Variants in GRM7 observed in about 807,000 individuals in gnomAD.
The protein encoded by GRM7 is glutamate metabotropic receptor 7, also known as metabotropic glutamate receptor 7.
In GRM7, 35 loss-of-function variants were observed where a neutral mutation model predicts 84.5. That is an observed-to-expected ratio of 0.41 (90% CI 0.32 to 0.55). GRM7 has a LOEUF of 0.55. Among genes scored for constraint, GRM7 ranks in the 20% least tolerant of loss-of-function variants. GRM7 has a pLI of 0.19. For missense variants in GRM7, 1,003 were observed against 1,194.6 expected (o/e 0.84, Z 2.36); for synonymous variants, 487 against 455.1 (o/e 1.07, Z -0.89).
chr3:7,085,628 C>T (rs188020277), intron 1 of GRM7, among the ~76,000 whole-genome samples: 1 of 152,168 alleles, frequency 6.6e-6, no homozygotes, highest in East Asian at 1.9e-4. Flanking sequence ...AAGATCTGTT[C>T]AGTTCAATTA....
At chr3:7,101,309 A>C (rs2125021919) in intron 1 of GRM7, among the ~76,000 whole-genome samples, 1 of 151,720 alleles carries the variant, frequency 6.6e-6, no homozygotes, top group South Asian at 2.1e-4. Flanking sequence ...CAATGGGTGG[A>C]TATTTATATC....
At chr3:6,967,920 A>T (rs1362275398) in intron 1 of GRM7, among the ~76,000 whole-genome samples, 1 of 152,200 alleles carries the variant, frequency 6.6e-6, no homozygotes, top group Non-Finnish European at 1.5e-5. Flanking sequence ...AGATCTGGGC[A>T]TTGGTATTTG....
chr3:7,201,689 A>G (rs1342581431), intron 2 of GRM7, among the ~76,000 whole-genome samples: 1 of 152,220 alleles, frequency 6.6e-6, no homozygotes, highest in Non-Finnish European at 1.5e-5. Context: ...CAACACATAG[A>G]TGAGGAAATT....
intron 1 of GRM7, among the ~76,000 whole-genome samples, chr3:6,961,637 C>A (rs370412486): frequency 2.3e-4 from 35 of 152,180 alleles, no homozygotes; most frequent in African/African-American, 7.2e-4. Flanking sequence ...CTACTTATTT[C>A]ATTTAAAAAT....
At chr3:7,030,700 G>A (rs1211156407) in intron 1 of GRM7, among the ~76,000 whole-genome samples, 1 of 152,212 alleles carries the variant, frequency 6.6e-6, no homozygotes, top group African/African-American at 2.4e-5. Flanking sequence ...TGGTGTCCAT[G>A]TATCTTAATG....
intron 1 of GRM7, among the ~76,000 whole-genome samples, chr3:6,998,138 A>AAAAAAAAAAAAAAAAAAAAC: frequency 6.7e-6 from 1 of 148,448 alleles, no homozygotes; most frequent in Admixed American, 6.7e-5. Flanking sequence ...AAAAAAAAAA[A>AAAAAAAAAAAAAAAAAAAAC]AGCAGGTTAG....
rs114294775 is a variant in GRM7, at chr3:7,022,190, G to C, written c.520-124262G>C. Among the ~76,000 whole-genome samples, 534 of 151,960 alleles carry C rather than the reference G, an allele frequency of 3.5e-3. 3 individuals are homozygous for C. Among genetic ancestry groups the C allele is most frequent in the African/African-American group, 0.012 (499 of 41,444 alleles). ...AAAAATACAAAAATTAGCTGGATAT[G>C]GTGGTGCGCATGTGTAGTCCCAGCT... On this transcript the variant is annotated intron_variant, in intron 1 of 9. Transcript: ENST00000357716.
chr3:7,420,612 A>C (rs560948148), intron 5 of GRM7, among the ~76,000 whole-genome samples: 27 of 152,230 alleles, frequency 1.8e-4, no homozygotes, highest in African/African-American at 6.5e-4. Flanking sequence ...ACTCATCTCT[A>C]AATATCGGAG....
chr3:7,195,423 A>G (rs1695846071), intron 2 of GRM7, among the ~76,000 whole-genome samples: 1 of 152,254 alleles, frequency 6.6e-6, no homozygotes, highest in Middle Eastern at 3.4e-3. Context: ...CAGAAAAGGG[A>G]AAGGAAAAGA....
At chr3:7,006,724 T>C (rs1575122128) in intron 1 of GRM7, among the ~76,000 whole-genome samples, 1 of 152,174 alleles carries the variant, frequency 6.6e-6, no homozygotes, top group Non-Finnish European at 1.5e-5. Context: ...AAAAATAAAA[T>C]ATCATCACAT....
rs1180167694 is a variant in GRM7 at position 7,615,618 on chromosome 3, G to T, written c.2451+36261G>T. 2.6e-5 allele frequency among the ~76,000 whole-genome samples: 4 copies of T among 152,018 alleles called. No individual in the cohort carries two copies. The East Asian group carries it at 7.7e-4, about 29-fold the overall frequency. ...GTAAGGCTGGTTTTTATGAGGGTGG[G>T]TATATTTCTATGTAGTCTTCCTAGG... On this transcript the variant is annotated intron_variant, in intron 8 of 9. Coordinates refer to ENST00000357716, the MANE Select transcript of GRM7 (RefSeq NM_000844.4).
chr3:7,620,243 A>C (rs1202901522), intron 8 of GRM7, among the ~76,000 whole-genome samples: 2 of 152,150 alleles, frequency 1.3e-5, no homozygotes, highest in Non-Finnish European at 1.5e-5. Context: ...TTTAGTGTAA[A>C]ATATGCACTA....
chr3:7,591,713 T>C (rs1695787481), intron 8 of GRM7, among the ~76,000 whole-genome samples: 1 of 152,144 alleles, frequency 6.6e-6, no homozygotes, highest in African/African-American at 2.4e-5. Flanking sequence ...TTGTTGAACA[T>C]TCTCTGTGTA....
At chr3:7,557,802 C>G (rs1693843809) in intron 7 of GRM7, among the ~76,000 whole-genome samples, 1 of 152,116 alleles carries the variant, frequency 6.6e-6, no homozygotes. Flanking sequence ...TAAATCCCCT[C>G]CTTGTTCTCT....
Position 7,276,785 on chromosome 3 carries a change from T to TCCTCCCTCCCTCCCTCCCTCCCTCCTC in GRM7, c.737-21896_737-21895insCCCTCCCTCCCTCCCTCCCTCCTCCCT, listed in dbSNP as rs1385259133. On this transcript the variant is annotated intron_variant, in intron 2 of 9. Transcript: ENST00000357716. ...TTTCTCCCTTCCTTCCTTCCTTCCT[T>TCCTCCCTCCCTCCCTCCCTCCCTCCTC]CCTTCCTTCCTTCCTTCCTTTTTGG... Among the ~76,000 whole-genome samples, 6 of 62,756 alleles carry TCCTCCCTCCCTCCCTCCCTCCCTCCTC rather than the reference T, an allele frequency of 9.6e-5. 2 individuals carry two copies. The highest frequency in any genetic ancestry group is 1.4e-4 in the Non-Finnish European group (5 of 36,804). 41.2% of individuals were successfully genotyped at this position (62,756 alleles called of 152,430 possible).
Position 7,740,398 on chromosome 3 carries a change from GT to G in GRM7, c.2742del (p.Ile915SerfsTer46). On this transcript the variant is annotated frameshift_variant, in exon 10 of 10. Coordinates refer to ENST00000357716, the MANE Select transcript of GRM7 (RefSeq NM_000844.4). LOFTEE classifies it high-confidence loss of function. ...GAAGTATGTCAGTTATAATAACCTGGTTATCTAACCTGTTCCATTCCATGGA... is the reference window on the plus strand; with the variant it reads ...GAAGTATGTCAGTTATAATAACCTGGTATCTAACCTGTTCCATTCCATGGA... The part of the protein sequence containing the change: ...KKKYVSYNNL[V>X]I 1.3e-6 allele frequency: 2 copies of G among 1,570,778 alleles called. No individual in the cohort carries two copies. Among genetic ancestry groups the G allele is most frequent in the Non-Finnish European group, 1.7e-6 (2 of 1,147,206 alleles).
chr3:7,671,132 C>G (rs903060334), intron 8 of GRM7, among the ~76,000 whole-genome samples: 1 of 152,054 alleles, frequency 6.6e-6, no homozygotes, highest in Admixed American at 6.6e-5. Flanking sequence ...ATCTTGAAAT[C>G]AAAATTGAGG....
chr3:6,902,914 A>G (rs1232158683), intron 1 of GRM7, among the ~76,000 whole-genome samples: 1 of 151,776 alleles, frequency 6.6e-6, no homozygotes, highest in Non-Finnish European at 1.5e-5. Flanking sequence ...TTTAAGGGTT[A>G]GAACTTTTTA....
At chr3:7,395,546 CA>C (rs1302468429) in intron 4 of GRM7, among the ~76,000 whole-genome samples, 1 of 152,100 alleles carries the variant, frequency 6.6e-6, no homozygotes, top group Non-Finnish European at 1.5e-5. Context: ...CCCCACATGT[CA>C]AGGGTGGGGC....
Sources: allele counts gnomAD v4.1 joint callset (sites outside exome capture counted in the v4.1 genomes callset), GRCh38; gene constraint gnomAD v4.1.1; transcripts MANE v1.5; gene names NCBI Gene and HGNC (gene_info 2026-07-23, HGNC 2026-07-21).